Variants in INPP4A observed in about 807,000 individuals in gnomAD.
INPP4A encodes inositol polyphosphate-4-phosphatase type I A.
In INPP4A, 33 loss-of-function variants were observed where a neutral mutation model predicts 119.8. That is an observed-to-expected ratio of 0.28 (90% CI 0.21 to 0.37). INPP4A has a LOEUF of 0.37. Among genes scored for constraint, INPP4A ranks in the 10% least tolerant of loss-of-function variants. The pLI, the probability that INPP4A is intolerant of heterozygous loss-of-function variation, is 1.00. For missense variants in INPP4A, 956 were observed against 1,289.9 expected (o/e 0.74, Z 3.97); for synonymous variants, 496 against 500.7 (o/e 0.99, Z 0.12).
At chr2:98,476,420 G>T (rs1052577477) in intron 1 of INPP4A, among the ~76,000 whole-genome samples, 2 of 152,244 alleles carry the variant, frequency 1.3e-5, no homozygotes, top group Admixed American at 6.5e-5. Context: ...ACACCCAGGA[G>T]CTCAGAGCAG....
chr2:98,523,966 C>T (rs1687713553), intron 4 of INPP4A, among the ~76,000 whole-genome samples: 2 of 152,184 alleles, frequency 1.3e-5, no homozygotes, highest in South Asian at 4.1e-4. Flanking sequence ...TCCTAGTGCT[C>T]TTGACATTCT....
At position 98,543,969 on chromosome 2, in the gene INPP4A, C is replaced by T. The variant is rs1692003865; in HGVS notation, c.911C>T (p.Thr304Ile). The T allele has an allele frequency of 6.3e-7, 1 of 1,586,446 alleles. No individual in the cohort carries two copies. The change falls in exon 11 of 25, where the codon ACA becomes ATA. Residue 304 changes from threonine (T) to isoleucine (I), a missense_variant. By Grantham distance (89) the Thr-to-Ile change is moderately conservative (BLOSUM62 -1). Coordinates refer to ENST00000409851, the MANE Select transcript of INPP4A (RefSeq NM_001134225.2). The part of the protein sequence containing the change: ...IVTQYQTIIL[T>I]YQENLTDLHQ... ...ACCCAGTACCAGACCATCATCCTCACATACCAGGAGAACCTGACCGACCTC... is the reference window on the plus strand; with the variant it reads ...ACCCAGTACCAGACCATCATCCTCATATACCAGGAGAACCTGACCGACCTC...
chr2:98,480,366 C>T (rs771575487), intron 1 of INPP4A, among the ~76,000 whole-genome samples: 5 of 152,204 alleles, frequency 3.3e-5, no homozygotes, highest in Non-Finnish European at 7.3e-5. Flanking sequence ...AATTATTATT[C>T]ATTTCCATTT....
At chr2:98,501,962 C>T (rs912746595) in intron 1 of INPP4A, among the ~76,000 whole-genome samples, 3 of 152,226 alleles carry the variant, frequency 2.0e-5, no homozygotes, top group East Asian at 3.9e-4. Context: ...GCAGGTTTCT[C>T]TGACTGATCC....
intron 5 of INPP4A, 78 bp downstream of exon 5, chr2:98,533,573 T>G: frequency 3.5e-6 from 3 of 850,340 alleles, no homozygotes; most frequent in Non-Finnish European, 6.0e-6. Context: ...TTCAGTTACT[T>G]GTGCATCTGT....
intron 1 of INPP4A, among the ~76,000 whole-genome samples, chr2:98,454,880 G>A (rs1017087278): frequency 6.6e-6 from 1 of 152,172 alleles, no homozygotes; most frequent in Non-Finnish European, 1.5e-5. Flanking sequence ...ACTAAGGATT[G>A]TATGAGCTGA....
chr2:98,446,141 T>C (rs1434298880), intron 1 of INPP4A, among the ~76,000 whole-genome samples: 1 of 152,236 alleles, frequency 6.6e-6, no homozygotes, highest in East Asian at 1.9e-4. Flanking sequence ...CTGGTTCTTA[T>C]CTCTAAAAGG....
chr2:98,535,312 C>T (rs1299885164), intron 5 of INPP4A, among the ~76,000 whole-genome samples: 1 of 152,238 alleles, frequency 6.6e-6, no homozygotes, highest in Non-Finnish European at 1.5e-5. Context: ...TCTCTTTCAT[C>T]TGCTTATTTG....
chr2:98,570,526 G>C lies in INPP4A; in HGVS notation c.2518+1858G>C, dbSNP rs1697256048. On this transcript the variant is annotated intron_variant, in intron 22 of 24. Transcript: ENST00000409851. This position sits in a 1 kb window ranked among gnomAD's most constrained non-coding sequence, Gnocchi z 4.3. ...AGGGGTGATGAAATGGTGCTGCCCT[G>C]GAATGGACCACTTTGTCCCAAAGAC... is the stretch of plus-strand genomic sequence containing the variant. Among the ~76,000 whole-genome samples, 1 of 152,144 alleles carries C rather than the reference G, an allele frequency of 6.6e-6. No homozygotes were observed. Among genetic ancestry groups the C allele is most frequent in the African/African-American group, 2.4e-5 (1 of 41,432 alleles).
intron 13 of INPP4A, among the ~76,000 whole-genome samples, chr2:98,552,338 G>A (rs548008076): frequency 6.6e-6 from 1 of 152,142 alleles, no homozygotes; most frequent in South Asian, 2.1e-4. Flanking sequence ...TGGTTGTTTG[G>A]GGACAAAGTC....
At chr2:98,499,691 G>C (rs1229858890) in intron 1 of INPP4A, among the ~76,000 whole-genome samples, 1 of 152,156 alleles carries the variant, frequency 6.6e-6, no homozygotes, top group African/African-American at 2.4e-5. Context: ...AATTTTTTTA[G>C]AGCAGTTTTA....
chr2:98,587,356 C>T (rs1339465549), intron 24 of INPP4A, 120 bp from the exon 25 acceptor site: 1 of 1,038,462 alleles, frequency 9.6e-7, no homozygotes, highest in African/African-American at 1.7e-5. Context: ...AGTCCGGCAC[C>T]CATTTAAATT....
intron 13 of INPP4A, among the ~76,000 whole-genome samples, chr2:98,549,122 C>T (rs1693023178): frequency 6.6e-6 from 1 of 152,182 alleles, no homozygotes; most frequent in Non-Finnish European, 1.5e-5. Flanking sequence ...TCCCTTCCAA[C>T]TGCAATGTTC....
chr2:98,586,283 T>G (rs1264647949), intron 24 of INPP4A, among the ~76,000 whole-genome samples: 1 of 152,098 alleles, frequency 6.6e-6, no homozygotes, highest in Non-Finnish European at 1.5e-5. Flanking sequence ...TACATGTTCT[T>G]GATAATGAGA....
At chr2:98,473,647 C>T (rs1161147118) in intron 1 of INPP4A, among the ~76,000 whole-genome samples, 2 of 152,050 alleles carry the variant, frequency 1.3e-5, no homozygotes, top group African/African-American at 2.4e-5. Flanking sequence ...TGAGTGACCT[C>T]ACCCGGGCCA....
intron 4 of INPP4A, among the ~76,000 whole-genome samples, chr2:98,522,274 G>A (rs1257922979): frequency 2.1e-5 from 3 of 143,446 alleles, no homozygotes; most frequent in East Asian, 2.0e-4. Context: ...GCAACAGAGC[G>A]AGACTCTGTC....
chr2:98,552,599 C>T, intron 13 of INPP4A, 187 bp from the exon 14 acceptor site: 1 of 727,068 alleles, frequency 1.4e-6, no homozygotes, highest in East Asian at 2.5e-5. Flanking sequence ...TTTCAAGCTC[C>T]TGCCATATAG....
At chr2:98,450,982 G>A (rs1270128411) in intron 1 of INPP4A, among the ~76,000 whole-genome samples, 1 of 152,140 alleles carries the variant, frequency 6.6e-6, no homozygotes, top group Non-Finnish European at 1.5e-5. Flanking sequence ...TGTTGGCCAG[G>A]CTGTTCTTGA....
chr2:98,512,886 G>A lies in INPP4A; in HGVS notation c.-165-6078G>A, dbSNP rs551327569. Among the ~76,000 whole-genome samples the A allele has an allele frequency of 5.9e-5, 9 of 152,292 alleles. No individual in the cohort carries two copies. In the South Asian group the frequency reaches 1.0e-3, roughly 18 times the overall value. On this transcript the variant is annotated intron_variant, in intron 1 of 24. Coordinates refer to ENST00000409851, the MANE Select transcript of INPP4A (RefSeq NM_001134225.2). Reference sequence around the variant, plus strand: ...CTCCCAGGTCCCCTCCACCTTGTCCGTGTTCCTGCAGCATGTGGCCTTTCC... The same window carrying A: ...CTCCCAGGTCCCCTCCACCTTGTCCATGTTCCTGCAGCATGTGGCCTTTCC...
Sources: gnomAD v4.1 joint callset for allele counts (sites outside exome capture counted in the v4.1 genomes callset) on GRCh38, gnomAD v4.1.1 for gene constraint, Gnocchi (gnomAD v3.1) non-coding constraint, MANE v1.5 for transcripts, NCBI Gene and HGNC (gene_info 2026-07-23, HGNC 2026-07-21) for gene names.